Variants in AKAP1 observed in about 807,000 individuals in gnomAD.
AKAP1 encodes the protein A-kinase anchoring protein 1.
In AKAP1, 32 loss-of-function variants were observed where a neutral mutation model predicts 79.8. That is an observed-to-expected ratio of 0.40 (90% CI 0.30 to 0.54). The LOEUF (loss-of-function observed/expected upper bound fraction) is 0.54. Ranked by LOEUF, AKAP1 falls within the 20% of genes least tolerant of loss-of-function variation. The pLI, the probability that AKAP1 is intolerant of heterozygous loss-of-function variation, is 0.47. For synonymous variants in AKAP1, 416 were observed against 466.7 expected (o/e 0.89, Z 1.40); for missense variants, 961 against 1,138.9 (o/e 0.84, Z 2.25).
chr17:57,098,979 A>G (rs973338277), intron 1 of AKAP1, among the ~76,000 whole-genome samples: 8 of 150,684 alleles, frequency 5.3e-5, no homozygotes, highest in Admixed American at 3.3e-4. Flanking sequence ...TGTATTAGCC[A>G]GGATGGTCTT....
At chr17:57,114,060 C>T (rs75158192) in intron 5 of AKAP1, among the ~76,000 whole-genome samples, 3,531 of 152,236 alleles carry the variant, frequency 0.023, 141 homozygotes, top group African/African-American at 0.081. Flanking sequence ...CCACCTCATT[C>T]CTGTGTTGCC....
At chr17:57,119,308 A>G (rs1001305938) in intron 10 of AKAP1, among the ~76,000 whole-genome samples, 1 of 152,154 alleles carries the variant, frequency 6.6e-6, no homozygotes, top group African/African-American at 2.4e-5. Flanking sequence ...GCAAATGTCA[A>G]TAGCGCCAAG....
At chr17:57,116,725 GCCT>G (rs1256661480) in intron 7 of AKAP1, 132 bp from the exon 8 acceptor site, 50 of 825,342 alleles carry the variant, frequency 6.1e-5, no homozygotes, top group East Asian at 4.0e-4. Context: ...GTGAGCCGTG[GCCT>G]CCTGCAAAGT....
chr17:57,120,411 A>T lies in AKAP1; in HGVS notation c.*87A>T. ...TCAAAGATGAACATCGGAATAACAAACATTGTCCTCTCCAGAAAGTCCTTT... is the reference window on the plus strand; with the variant it reads ...TCAAAGATGAACATCGGAATAACAATCATTGTCCTCTCCAGAAAGTCCTTT... On this transcript the variant is annotated 3_prime_UTR_variant, in exon 11 of 11. Transcript: ENST00000337714. 9.3e-6 allele frequency: 11 copies of T among 1,183,804 alleles called. No individual in the cohort carries two copies. The highest frequency in any genetic ancestry group is 1.3e-5 in the Non-Finnish European group (11 of 815,744). The allele number at this position is 1,183,804 out of a possible 1,614,324, so 73.3% of individuals were successfully genotyped here.
chr17:57,099,091 T>TG (rs2144675407), intron 1 of AKAP1, among the ~76,000 whole-genome samples: 1 of 152,002 alleles, frequency 6.6e-6, no homozygotes, highest in Non-Finnish European at 1.5e-5. Flanking sequence ...TAGTGGGAAG[T>TG]GGGGGCTGGT....
chr17:57,105,374 G>A, intron 1 of AKAP1, 67 bp from the exon 2 acceptor site: 1 of 1,457,886 alleles, frequency 6.9e-7, no homozygotes, highest in Non-Finnish European at 9.6e-7. Flanking sequence ...TCTTGCATGT[G>A]CGGTTGCCAG....
At chr17:57,102,628 C>A (rs1260400204) in intron 1 of AKAP1, among the ~76,000 whole-genome samples, 1 of 151,620 alleles carries the variant, frequency 6.6e-6, no homozygotes, top group Non-Finnish European at 1.5e-5. Context: ...CAACTCCCGG[C>A]TCTCTCTCTT....
chr17:57,105,633 CCT>C lies in AKAP1; in HGVS notation c.173_174del (p.Leu58ProfsTer55). 6.2e-7 allele frequency: 1 copy of C among 1,614,134 alleles called. No individual in the cohort carries two copies. The highest frequency in any genetic ancestry group is 8.5e-7 in the Non-Finnish European group (1 of 1,180,008). On this transcript the variant is annotated frameshift_variant, in exon 2 of 11. Coordinates refer to ENST00000337714, the MANE Select transcript of AKAP1 (RefSeq NM_003488.4). LOFTEE classifies it high-confidence loss of function. Reference protein sequence around the residue: ...QLRADPAIKEPLPVEDVCPKV... With the variant: ...QLRADPAIKEXLPVEDVCPKV... The stretch of plus-strand genomic sequence containing the variant: ...GAGGGCTGACCCTGCCATCAAGGAA[CCT>C]CTCCCCGTGGAAGACGTCTGTCCCA...
chr17:57,102,845 G>A (rs1914610436), intron 1 of AKAP1, among the ~76,000 whole-genome samples: 1 of 152,088 alleles, frequency 6.6e-6, no homozygotes, highest in South Asian at 2.1e-4. Flanking sequence ...CCAGCACTTT[G>A]GGAGGCCGGC....
intron 1 of AKAP1, chr17:57,095,941 G>A (rs1202094367): frequency 5.9e-5 from 9 of 152,172 alleles, no homozygotes; most frequent in Non-Finnish European, 1.2e-4. Flanking sequence ...GGTTGTCAAG[G>A]CCAGAGGTGA....
chr17:57,112,266 C>G (rs949912216), intron 4 of AKAP1, among the ~76,000 whole-genome samples: 4 of 152,174 alleles, frequency 2.6e-5, no homozygotes, highest in African/African-American at 7.2e-5. Context: ...AGCTGCCTGC[C>G]TCTTCTGTTG....
At chr17:57,102,952 C>T (rs559095170) in intron 1 of AKAP1, among the ~76,000 whole-genome samples, 8 of 152,046 alleles carry the variant, frequency 5.3e-5, no homozygotes, top group African/African-American at 1.2e-4. Context: ...TGGTGGTGGG[C>T]GCCTGTAGAC....
chr17:57,096,213 G>C (rs1472976206), intron 1 of AKAP1: 2 of 152,246 alleles, frequency 1.3e-5, no homozygotes, highest in African/African-American at 4.8e-5. Flanking sequence ...TTGAGGCCAT[G>C]TCCAGAGATG....
chr17:57,118,335 T>G (rs956067203), intron 8 of AKAP1, 46 bp from the exon 9 acceptor site: 2 of 1,583,014 alleles, frequency 1.3e-6, no homozygotes, highest in Non-Finnish European at 1.7e-6. Context: ...AAGGGTGCCT[T>G]GCCTCAGTGA....
At chr17:57,094,981 G>A (rs528795850) in intron 1 of AKAP1, 1 of 152,178 alleles carries the variant, frequency 6.6e-6, no homozygotes, top group South Asian at 2.1e-4. Context: ...CCATAATGCT[G>A]GCATTCAGGC....
In AKAP1 at chr17:57,118,442, A is replaced by G; in HGVS notation, c.2562A>G (p.Ala854=). 1 of 1,613,714 alleles carries G rather than the reference A, an allele frequency of 6.2e-7. No homozygotes were observed. ...TGAGCGAGATGACGGGGAATACAGC[A>G]CTGCTTGCTCAGGTGTGTGGTTGGC... ...AAMSEMTGNT[A]LLAQVTSYSP... The change falls in exon 9 of 11, where the codon GCA becomes GCG. Residue 854 remains alanine, a synonymous_variant. Transcript: ENST00000337714.
At chr17:57,114,388 G>A in intron 5 of AKAP1, 71 bp from the exon 6 acceptor site, 1 of 1,556,780 alleles carries the variant, frequency 6.4e-7, no homozygotes, top group Non-Finnish European at 8.7e-7. Flanking sequence ...CTTGCCCTTG[G>A]GTCTCGGGAC....
In AKAP1 at chr17:57,106,638, G is replaced by C. The variant is rs748510803; in HGVS notation, c.1174G>C (p.Val392Leu). 2.0e-5 allele frequency: 33 copies of C among 1,614,050 alleles called. No individual in the cohort carries two copies. In the South Asian group the frequency reaches 3.5e-4, roughly 17 times the overall value. ...GCAGAAGGAAGAGAGCTGTGTCCCA[G>C]TTCACCAGAAAACTGTCTTGGGCCC... is the stretch of plus-strand genomic sequence containing the variant. ...QGQKEESCVP[V>L]HQKTVLGPDT... Residue 392 changes from valine to leucine, a missense_variant, in exon 2 of 11, where the codon GTT becomes CTT. Transcript: ENST00000337714.
intron 5 of AKAP1, 121 bp from the exon 6 acceptor site, chr17:57,114,334 TGTTG>T: frequency 8.8e-7 from 1 of 1,134,890 alleles, no homozygotes; most frequent in Non-Finnish European, 1.3e-6. Context: ...CTGGGTGCCA[TGTTG>T]TCTTGAGTTG....
Sources: gnomAD v4.1 joint callset for allele counts (sites outside exome capture counted in the v4.1 genomes callset) on GRCh38, gnomAD v4.1.1 for gene constraint, MANE v1.5 for transcripts, NCBI Gene and HGNC (gene_info 2026-07-23, HGNC 2026-07-21) for gene names.